Variants in LRRC9 observed in about 807,000 individuals in gnomAD.
LRRC9 encodes leucine rich repeat containing 9, also known as leucine-rich repeat-containing protein 9.
A neutral mutation model predicts 63.2 loss-of-function variants in LRRC9; 122 were observed. The observed-to-expected ratio is 1.93, with a 90% CI of 1.67 to 2.24. The LOEUF is 2.24. Among genes scored for constraint, LRRC9 ranks in the 30% most tolerant of loss-of-function variants. The pLI is 0.00. For synonymous variants in LRRC9, 366 were observed against 213.1 expected (o/e 1.72, Z -6.25); for missense variants, 1,071 against 627.7 (o/e 1.71, Z -7.55).
intron 13 of LRRC9, 52 bp downstream of exon 13, chr14:59,974,760 CATTA>C: frequency 3.5e-6 from 2 of 568,864 alleles, no homozygotes. Context: ...TCTTCAAATT[CATTA>C]ATTATTTTTA....
chr14:60,037,689 G>A (rs963809815), intron 29 of LRRC9, among the ~76,000 whole-genome samples: 1 of 152,180 alleles, frequency 6.6e-6, no homozygotes, highest in Non-Finnish European at 1.5e-5. Flanking sequence ...TAGGTAGATT[G>A]TAAAAATTTC....
chr14:60,002,343 TGTACATTAGG>T (rs1280106050), intron 20 of LRRC9, among the ~76,000 whole-genome samples: 2 of 152,230 alleles, frequency 1.3e-5, no homozygotes, highest in Non-Finnish European at 1.5e-5. Flanking sequence ...ACTTTGATGT[TGTACATTAGG>T]GTCTCTAGAA....
intron 8 of LRRC9, among the ~76,000 whole-genome samples, chr14:59,947,144 T>C (rs1882525781): frequency 6.6e-6 from 1 of 151,388 alleles, no homozygotes. Context: ...GTGTTCTTAT[T>C]TCTCCACATC....
Position 59,959,812 on chromosome 14 carries a change from C to G in LRRC9, c.883-6C>G, listed in dbSNP as rs1884161210. The G allele has an allele frequency of 5.0e-6, 3 of 596,596 alleles. No individual in the cohort carries two copies. Among genetic ancestry groups the G allele is most frequent in the Non-Finnish European group, 9.0e-6 (3 of 332,782 alleles). The allele number at this position is 596,596 out of a possible 1,614,324, so 37.0% of individuals were successfully genotyped here. ...ATTTTGCTCTCTGACACATTGTTTT[C>G]CACAGTTGGAACGAGAACTGGCTGA... On this transcript the variant is annotated splice_polypyrimidine_tract_variant and splice_region_variant and intron_variant, in intron 8 of 31. Transcript: ENST00000445360.
rs1454934645 is a variant in LRRC9, at chr14:59,932,621, A to T, written c.543+582A>T. Reference sequence around the variant, plus strand: ...CTTACAGTCATTTGTGACTCTTCTTATTCCTTCATACCCTCATCCAATCCA... The same window carrying T: ...CTTACAGTCATTTGTGACTCTTCTTTTTCCTTCATACCCTCATCCAATCCA... On this transcript the variant is annotated intron_variant, in intron 6 of 31. Coordinates refer to ENST00000445360, the Ensembl canonical transcript of LRRC9. The surrounding 1 kb of genome is among the most constrained non-coding windows in gnomAD (Gnocchi z 4.7). Among the ~76,000 whole-genome samples, 2 of 151,922 alleles carry T rather than the reference A, an allele frequency of 1.3e-5. No homozygotes were observed. Among genetic ancestry groups the T allele is most frequent in the African/African-American group, 2.4e-5 (1 of 41,364 alleles).
Position 59,928,272 on chromosome 14 carries a change from T to A in LRRC9, c.53T>A (p.Leu18Ter). The A allele has an allele frequency of 1.7e-6, 1 of 588,200 alleles. No individual in the cohort carries two copies. Among genetic ancestry groups the A allele is most frequent in the Non-Finnish European group, 3.0e-6 (1 of 336,444 alleles). The allele number at this position is 588,200 out of a possible 1,614,324, so 36.4% of individuals were successfully genotyped here. Residue 18 changes from leucine to a stop codon, truncating the protein, a stop_gained, in exon 3 of 32, where the codon TTG becomes TAG. Coordinates refer to ENST00000445360, the Ensembl canonical transcript of LRRC9. LOFTEE classifies it high-confidence loss of function. The stretch of plus-strand genomic sequence containing the variant: ...AATTTCTTTCCTTTAAAACAGTGTT[T>A]GTGCAATGGCTTATCTTATGAGATG...
chr14:59,997,262 G>A (rs1316969998), intron 17 of LRRC9, among the ~76,000 whole-genome samples: 1 of 151,934 alleles, frequency 6.6e-6, no homozygotes, highest in Non-Finnish European at 1.5e-5. Context: ...AAGTTAACAG[G>A]TTTAGTTTCT....
Position 60,053,036 on chromosome 14 carries a change from A to G in LRRC9, c.3991-29A>G, listed in dbSNP as rs1227407504. 2.9e-6 allele frequency: 2 copies of G among 686,294 alleles called. No individual in the cohort carries two copies. Among genetic ancestry groups the G allele is most frequent in the Non-Finnish European group, 5.3e-6 (2 of 376,292 alleles). The allele number at this position is 686,294 out of a possible 1,614,324, so 42.5% of individuals were successfully genotyped here. ...ATCTTTGAAATAAAAGTTTTGTAGG[A>G]ATAAATTGTTATTTTTAACTTTATT... is the stretch of plus-strand genomic sequence containing the variant. On this transcript the variant is annotated intron_variant, in intron 29 of 31. Coordinates refer to ENST00000445360, the Ensembl canonical transcript of LRRC9. The surrounding 1 kb of genome is among the most constrained non-coding windows in gnomAD (Gnocchi z 4.8).
At chr14:59,970,840 GCA>G (rs1309269029) in intron 12 of LRRC9, among the ~76,000 whole-genome samples, 2 of 151,896 alleles carry the variant, frequency 1.3e-5, no homozygotes, top group African/African-American at 4.8e-5. Flanking sequence ...TTTGTTGGAT[GCA>G]CAGTTTGCAG....
intron 29 of LRRC9, among the ~76,000 whole-genome samples, chr14:60,043,756 C>CTTTTTTTTTTTTTTTTTTTTTTTCT (rs368065898): frequency 7.1e-4 from 51 of 71,556 alleles, no homozygotes; most frequent in Admixed American, 1.2e-3. Context: ...TTTTCTTTTC[C>CTTTTTTTTTTTTTTTTTTTTTTTCT]TTTTTTTTTT....
chr14:60,035,680 T>C (rs1892370011), intron 29 of LRRC9, among the ~76,000 whole-genome samples: 1 of 152,198 alleles, frequency 6.6e-6, no homozygotes, highest in South Asian at 2.1e-4. Flanking sequence ...GGGTTATCTA[T>C]TCTGTCACAT....
At chr14:59,978,271 A>G (rs1886537054) in intron 15 of LRRC9, 139 bp downstream of exon 15, 1 of 507,882 alleles carries the variant, frequency 2.0e-6, no homozygotes, top group Admixed American at 3.6e-5. Context: ...GAATAACTTA[A>G]TTTTCAAAAC....
chr14:60,059,666 G>T (rs1024905812), intron 31 of LRRC9, among the ~76,000 whole-genome samples: 1 of 152,210 alleles, frequency 6.6e-6, no homozygotes, highest in African/African-American at 2.4e-5. Context: ...CTAATCCAGA[G>T]ACCCTAACTG....
chr14:60,018,289 G>A, intron 24 of LRRC9, 82 bp from the exon 25 acceptor site: 5 of 676,420 alleles, frequency 7.4e-6, no homozygotes, highest in South Asian at 6.2e-5. Context: ...GTCTTTGGTG[G>A]CTGTATGTGA....
intron 27 of LRRC9, among the ~76,000 whole-genome samples, chr14:60,025,950 A>G (rs1292244701): frequency 6.6e-6 from 1 of 152,092 alleles, no homozygotes; most frequent in African/African-American, 2.4e-5. Flanking sequence ...ACTGTCCCAG[A>G]TGTTTTTATA....
At chr14:59,957,087 G>T (rs1883839439) in intron 8 of LRRC9, among the ~76,000 whole-genome samples, 1 of 152,094 alleles carries the variant, frequency 6.6e-6, no homozygotes, top group Admixed American at 6.6e-5. Context: ...CAACCTTGGA[G>T]AATCTCACGA....
chr14:60,043,872 A>C (rs192251763), intron 29 of LRRC9, among the ~76,000 whole-genome samples: 1 of 149,072 alleles, frequency 6.7e-6, no homozygotes, highest in African/African-American at 2.5e-5. Flanking sequence ...AAAGGGTTTA[A>C]GTAGTTGGTA....
At chr14:59,981,979 C>T (rs1414732288) in exon 16 of LRRC9, 2 of 702,600 alleles carry the variant, frequency 2.8e-6, no homozygotes, top group Non-Finnish European at 5.2e-6. Flanking sequence ...AGCCCAGAAT[C>T]AAGGCCCGAC....
chr14:60,050,895 G>A (rs538903618), intron 29 of LRRC9, among the ~76,000 whole-genome samples: 1 of 152,242 alleles, frequency 6.6e-6, no homozygotes, highest in Admixed American at 6.5e-5. Flanking sequence ...TCCCATACCT[G>A]GAGGTATATC....
Sources: gnomAD v4.1 joint callset for allele counts (sites outside exome capture counted in the v4.1 genomes callset) on GRCh38, gnomAD v4.1.1 for gene constraint, Gnocchi (gnomAD v3.1) non-coding constraint, MANE v1.5 for transcripts, NCBI Gene and HGNC (gene_info 2026-07-23, HGNC 2026-07-21) for gene names.